The following MTMR8 variants were observed in gnomAD, a reference collection of about 807,000 sequenced individuals.
MTMR8 encodes the protein phosphatidylinositol-3,5-bisphosphate 3-phosphatase MTMR8.
MTMR8 carries 65 observed loss-of-function variants against 39.3 expected under a neutral mutation model. The ratio of observed to expected loss-of-function variants is 1.65; its 90% CI spans 1.35 to 2.03. The LOEUF is 2.03. Among genes scored for constraint, MTMR8 ranks in the 30% most tolerant of loss-of-function variants. The pLI is 0.00. For missense variants in MTMR8, 777 were observed against 538.9 expected, an observed-to-expected ratio of 1.44 and a Z score of -4.37; for synonymous variants, 245 against 185.2, an observed-to-expected ratio of 1.32 and a Z score of -2.62.
chrX:64,370,986 C>T (rs749574741), intron 1 of MTMR8, among the ~76,000 whole-genome samples: 28 of 111,153 alleles, frequency 2.5e-4, no homozygotes, highest in Non-Finnish European at 4.2e-4. Context: ...GAACTCGTCT[C>T]TACAAAAAAC....
At chrX:64,338,112 G>A (rs1923122906) in intron 8 of MTMR8, among the ~76,000 whole-genome samples, 1 of 112,030 alleles carries the variant, frequency 8.9e-6, no homozygotes, top group Non-Finnish European at 1.9e-5. Context: ...GTAATGTGTA[G>A]TAACAATATT....
intron 1 of MTMR8, among the ~76,000 whole-genome samples, chrX:64,385,015 T>G (rs763949980): frequency 8.9e-6 from 1 of 112,326 alleles, no homozygotes; most frequent in South Asian, 3.7e-4. Context: ...GTTCCAACCT[T>G]AGGACATTTC....
intron 12 of MTMR8, among the ~76,000 whole-genome samples, chrX:64,320,703 A>G (rs1922614146): frequency 9.0e-6 from 1 of 110,917 alleles, no homozygotes; most frequent in African/African-American, 3.3e-5. Flanking sequence ...AGCTCCTGCA[A>G]ATATCAGGGA....
chrX:64,389,767 G>T (rs1423832619), intron 1 of MTMR8, among the ~76,000 whole-genome samples: 1 of 111,961 alleles, frequency 8.9e-6, no homozygotes, highest in African/African-American at 3.2e-5. Flanking sequence ...CTTATAATGT[G>T]CCAGGCCCTC....
At chrX:64,349,737 A>G (rs1184324618) in intron 5 of MTMR8, among the ~76,000 whole-genome samples, 1 of 112,071 alleles carries the variant, frequency 8.9e-6, no homozygotes, top group African/African-American at 3.2e-5. Flanking sequence ...GACACTTAAC[A>G]TCTGCATAAC....
At chrX:64,289,633 T>A (rs1341122147) in intron 12 of MTMR8, among the ~76,000 whole-genome samples, 2 of 37,871 alleles carry the variant, frequency 5.3e-5, no homozygotes, top group East Asian at 1.4e-3. Flanking sequence ...TGAGACTCCA[T>A]CGCAAAAAAA....
At chrX:64,382,103 A>T (rs1260170452) in intron 1 of MTMR8, among the ~76,000 whole-genome samples, 1 of 111,549 alleles carries the variant, frequency 9.0e-6, no homozygotes, top group African/African-American at 3.3e-5. Flanking sequence ...TTTTGGTTCC[A>T]TATGAACTTT....
rs757163942 is a variant in MTMR8, at chrX:64,325,542, G to A, written c.1481+3230C>T. Among the ~76,000 whole-genome samples, 11 of 111,682 alleles carry A rather than the reference G, an allele frequency of 9.8e-5. No individual in the cohort carries two copies. The South Asian group carries it at 2.2e-3, about 23-fold the overall frequency. On this transcript the variant is annotated intron_variant, in intron 12 of 13. Coordinates refer to ENST00000374852, the MANE Select transcript of MTMR8 (RefSeq NM_017677.4). Reference sequence around the variant, plus strand: ...ACTAATGGAATGAAGGACAAAAACCGTATGATCATTTCAATAGATGAAGAA... The same window carrying A: ...ACTAATGGAATGAAGGACAAAAACCATATGATCATTTCAATAGATGAAGAA...
chrX:64,287,681 T>C (rs1921237068), intron 12 of MTMR8, among the ~76,000 whole-genome samples: 1 of 109,895 alleles, frequency 9.1e-6, no homozygotes, highest in African/African-American at 3.3e-5. Context: ...AGCTATCTGA[T>C]CTTTGACAAA....
intron 12 of MTMR8, among the ~76,000 whole-genome samples, chrX:64,276,096 T>C (rs1237345047): frequency 2.7e-5 from 3 of 112,006 alleles, no homozygotes; most frequent in Non-Finnish European, 5.6e-5. Flanking sequence ...TTAGTCTGGC[T>C]AGTGGTCTAT....
chrX:64,291,489 T>C (rs1041967398), intron 12 of MTMR8, among the ~76,000 whole-genome samples: 2 of 110,876 alleles, frequency 1.8e-5, no homozygotes, highest in African/African-American at 6.6e-5. Context: ...TCTACACTCA[T>C]GCTAACCTGT....
At chrX:64,314,721 T>A (rs1317800930) in intron 12 of MTMR8, among the ~76,000 whole-genome samples, 1 of 112,411 alleles carries the variant, frequency 8.9e-6, no homozygotes, top group African/African-American at 3.2e-5. Context: ...CACGTACACA[T>A]GTGCGGTCAA....
At chrX:64,355,427 G>A (rs935279958) in intron 3 of MTMR8, among the ~76,000 whole-genome samples, 1 of 111,381 alleles carries the variant, frequency 9.0e-6, no homozygotes, top group Admixed American at 9.6e-5. Context: ...CTCCCTTCAC[G>A]AGATACAGCA....
chrX:64,356,590 G>C (rs1923632196), intron 2 of MTMR8, among the ~76,000 whole-genome samples: 1 of 110,987 alleles, frequency 9.0e-6, no homozygotes, highest in Admixed American at 9.7e-5. Flanking sequence ...AGATTACCAA[G>C]TTTGTGGGAC....
chrX:64,298,541 T>C (rs1389844606), intron 12 of MTMR8, among the ~76,000 whole-genome samples: 8 of 85,225 alleles, frequency 9.4e-5, no homozygotes, highest in Non-Finnish European at 1.6e-4. Context: ...CAATTTGACT[T>C]CCTCTTTTCC....
intron 10 of MTMR8, among the ~76,000 whole-genome samples, chrX:64,333,552 T>G (rs1365665705): frequency 8.9e-6 from 1 of 111,986 alleles, no homozygotes; most frequent in African/African-American, 3.2e-5. Flanking sequence ...TGGCATATCT[T>G]CCACCTTATC....
intron 2 of MTMR8, among the ~76,000 whole-genome samples, chrX:64,356,710 T>C (rs902877223): frequency 9.0e-6 from 1 of 111,269 alleles, no homozygotes; most frequent in Non-Finnish European, 1.9e-5. Context: ...TTATATCAAA[T>C]TACTAATTAA....
At chrX:64,394,844 C>A (rs185617286) in intron 1 of MTMR8, among the ~76,000 whole-genome samples, 1 of 112,209 alleles carries the variant, frequency 8.9e-6, no homozygotes, top group East Asian at 2.8e-4. Flanking sequence ...ACAGGCATGC[C>A]GTGGAGCTGG....
intron 1 of MTMR8, among the ~76,000 whole-genome samples, chrX:64,372,084 T>C (rs1924143987): frequency 9.2e-6 from 1 of 108,762 alleles, no homozygotes; most frequent in Admixed American, 9.9e-5. Flanking sequence ...TAGCCTAAAT[T>C]TAGAATGACA....
Sources: allele counts gnomAD v4.1 joint callset (sites outside exome capture counted in the v4.1 genomes callset), GRCh38; gene constraint gnomAD v4.1.1; transcripts MANE v1.5; gene names NCBI Gene and HGNC (gene_info 2026-07-23, HGNC 2026-07-21).